The following VWC2L variants were observed in gnomAD, a reference collection of about 807,000 sequenced individuals.
VWC2L encodes von Willebrand factor C domain containing 2 like, also known as von Willebrand factor C domain-containing protein 2-like.
In VWC2L, 10 loss-of-function variants were observed where a neutral mutation model predicts 21.6. The ratio of observed to expected loss-of-function variants is 0.46; its 90% CI spans 0.29 to 0.78. The LOEUF is 0.78. VWC2L is among the 30% of genes least tolerant of loss of function. The pLI, the probability that VWC2L is intolerant of heterozygous loss-of-function variation, is 0.10. For synonymous variants in VWC2L, 96 were observed against 94.3 expected (o/e 1.02, Z -0.10); for missense variants, 209 against 277.1 (o/e 0.75, Z 1.74).
In VWC2L at chr2:214,544,206, G is replaced by A. The variant is rs115286898; in HGVS notation, c.521-31466G>A. Among the ~76,000 whole-genome samples, 588 of 152,266 alleles carry A rather than the reference G, an allele frequency of 3.9e-3. 3 individuals carry two copies. Among genetic ancestry groups the A allele is most frequent in the African/African-American group, 0.014 (571 of 41,564 alleles). ...GGAGTGACTCCAGGAATGGATTGCC[G>A]TGCCATATTCCTAGCATTCTGAATT... is the stretch of plus-strand genomic sequence containing the variant. On this transcript the variant is annotated intron_variant, in intron 3 of 3. Transcript: ENST00000312504.
At chr2:214,461,711 C>G (rs1703143885) in intron 3 of VWC2L, among the ~76,000 whole-genome samples, 2 of 152,148 alleles carry the variant, frequency 1.3e-5, no homozygotes. Flanking sequence ...TAGTGGTACA[C>G]ACAGGAGCAG....
At chr2:214,567,103 T>A (rs1690074013) in intron 3 of VWC2L, among the ~76,000 whole-genome samples, 1 of 152,202 alleles carries the variant, frequency 6.6e-6, no homozygotes, top group South Asian at 2.1e-4. Context: ...ACAGCCAATT[T>A]CTAAAAGACA....
intron 3 of VWC2L, among the ~76,000 whole-genome samples, chr2:214,529,435 T>C (rs542113747): frequency 1.4e-4 from 21 of 152,258 alleles, no homozygotes; most frequent in African/African-American, 4.8e-4. Context: ...TCATGGGTTT[T>C]CTAAGATTTT....
intron 3 of VWC2L, among the ~76,000 whole-genome samples, chr2:214,520,090 CTT>C (rs1559316567): frequency 8.0e-5 from 12 of 150,860 alleles, no homozygotes; most frequent in Non-Finnish European, 1.2e-4. Flanking sequence ...CACACACACA[CTT>C]ATGTAGATGT....
intron 3 of VWC2L, among the ~76,000 whole-genome samples, chr2:214,560,313 T>C (rs983155722): frequency 6.6e-6 from 1 of 152,164 alleles, no homozygotes; most frequent in African/African-American, 2.4e-5. Flanking sequence ...AGGCATTTTG[T>C]GTCTTTGAAC....
intron 3 of VWC2L, among the ~76,000 whole-genome samples, chr2:214,483,528 A>G: frequency 6.6e-6 from 1 of 152,150 alleles, no homozygotes; most frequent in Non-Finnish European, 1.5e-5. Context: ...TCTGACCTCC[A>G]AAAATCTGTT....
chr2:214,544,902 G>A (rs1023395654), intron 3 of VWC2L, among the ~76,000 whole-genome samples: 4 of 152,152 alleles, frequency 2.6e-5, no homozygotes, highest in African/African-American at 9.7e-5. Flanking sequence ...AACTTACTAT[G>A]TAGCTAGTAA....
chr2:214,517,750 G>A (rs546160948), intron 3 of VWC2L, among the ~76,000 whole-genome samples: 1 of 152,190 alleles, frequency 6.6e-6, no homozygotes, highest in Non-Finnish European at 1.5e-5. Flanking sequence ...GATAATACAA[G>A]GCATAATATT....
chr2:214,480,877 A>AAG (rs1157361627), intron 3 of VWC2L, among the ~76,000 whole-genome samples: 1 of 150,630 alleles, frequency 6.6e-6, no homozygotes, highest in African/African-American at 2.5e-5. Flanking sequence ...AAAAAAAAAA[A>AAG]AAAAAAAAAA....
intron 2 of VWC2L, among the ~76,000 whole-genome samples, chr2:214,417,643 T>G (rs929191929): frequency 2.6e-5 from 4 of 152,124 alleles, no homozygotes; most frequent in Non-Finnish European, 5.9e-5. Flanking sequence ...TAGATATGAC[T>G]AAAATGCTAT....
intron 3 of VWC2L, among the ~76,000 whole-genome samples, chr2:214,550,681 TTATA>T (rs929017274): frequency 6.6e-6 from 1 of 152,226 alleles, no homozygotes; most frequent in Admixed American, 6.5e-5. Flanking sequence ...TTTTTCCTGT[TTATA>T]TATAAATATA....
At chr2:214,461,704 T>A (rs1703143775) in intron 3 of VWC2L, among the ~76,000 whole-genome samples, 1 of 152,048 alleles carries the variant, frequency 6.6e-6, no homozygotes. Flanking sequence ...AGCTCCCTAG[T>A]GGTACACACA....
intron 3 of VWC2L, among the ~76,000 whole-genome samples, chr2:214,440,900 GAGTTCTGT>G (rs1702755833): frequency 6.6e-6 from 1 of 152,054 alleles, no homozygotes; most frequent in African/African-American, 2.4e-5. Flanking sequence ...GTTTGTCAGT[GAGTTCTGT>G]GTTTTCACTG....
intron 2 of VWC2L, among the ~76,000 whole-genome samples, chr2:214,430,972 G>A (rs1388152371): frequency 6.6e-6 from 1 of 152,128 alleles, no homozygotes; most frequent in Non-Finnish European, 1.5e-5. Flanking sequence ...CGCTGAAGAG[G>A]TCATCACAAT....
At chr2:214,454,687 T>C (rs1176013594) in intron 3 of VWC2L, among the ~76,000 whole-genome samples, 3 of 137,274 alleles carry the variant, frequency 2.2e-5, no homozygotes, top group Admixed American at 1.7e-4. Flanking sequence ...TACTGCAAGC[T>C]CTGCCTCCCA....
intron 3 of VWC2L, among the ~76,000 whole-genome samples, chr2:214,523,379 A>T (rs545838261): frequency 1.3e-5 from 2 of 152,352 alleles, no homozygotes; most frequent in South Asian, 4.1e-4. Flanking sequence ...ATAGCTTCAC[A>T]ATCTTCTAAT....
intron 3 of VWC2L, among the ~76,000 whole-genome samples, chr2:214,567,615 G>GATAT (rs1559333859): frequency 7.6e-6 from 1 of 131,964 alleles, no homozygotes; most frequent in African/African-American, 2.7e-5. Context: ...GAGAGAGAGA[G>GATAT]ATAATTAAAA....
intron 3 of VWC2L, among the ~76,000 whole-genome samples, chr2:214,528,592 C>T (rs1023755111): frequency 2.0e-5 from 3 of 148,674 alleles, no homozygotes; most frequent in Non-Finnish European, 4.5e-5. Flanking sequence ...ATTTACATCT[C>T]TTTTTTTTTT....
intron 3 of VWC2L, among the ~76,000 whole-genome samples, chr2:214,553,824 G>A (rs892483177): frequency 7.2e-5 from 11 of 152,282 alleles, no homozygotes; most frequent in African/African-American, 2.6e-4. Flanking sequence ...AGGTCCATCA[G>A]TTGGCTGAGA....
Sources: gnomAD v4.1 joint callset for allele counts (sites outside exome capture counted in the v4.1 genomes callset) on GRCh38, gnomAD v4.1.1 for gene constraint, MANE v1.5 for transcripts, NCBI Gene and HGNC (gene_info 2026-07-23, HGNC 2026-07-21) for gene names.